The following CUX2 variants were observed in gnomAD, a reference collection of about 807,000 sequenced individuals.
The protein encoded by CUX2 is cut like homeobox 2, also known as homeobox protein cut-like 2.
Under a neutral mutation model 144.8 loss-of-function variants are expected in CUX2, and 40 were observed. That is an observed-to-expected ratio of 0.28 (90% CI 0.21 to 0.36). CUX2 has a LOEUF of 0.36. Among genes scored for constraint, CUX2 ranks in the 10% least tolerant of loss-of-function variants. The pLI is 1.00. For missense variants in CUX2, 1,615 were observed against 1,994.0 expected (o/e 0.81, Z 3.62); for synonymous variants, 827 against 875.6 (o/e 0.94, Z 0.98).
chr12:111,093,328 C>A (rs935267511), intron 1 of CUX2, among the ~76,000 whole-genome samples: 1 of 152,174 alleles, frequency 6.6e-6, no homozygotes, highest in Non-Finnish European at 1.5e-5. Flanking sequence ...AACTCTGGCT[C>A]GCCCAGGAGG....
chr12:111,147,907 C>G (rs973621101), intron 1 of CUX2, among the ~76,000 whole-genome samples: 9 of 152,244 alleles, frequency 5.9e-5, no homozygotes. Context: ...GTTTCCCACC[C>G]AGGCGCCCAG....
chr12:111,091,562 T>A (rs955061803), intron 1 of CUX2, among the ~76,000 whole-genome samples: 5 of 152,218 alleles, frequency 3.3e-5, no homozygotes, highest in Non-Finnish European at 7.3e-5. Flanking sequence ...AAAGCCCAGA[T>A]AATTGTCACC....
rs183117379 is a variant in CUX2, at chr12:111,077,701, A to T, written c.63+43461A>T. Among the ~76,000 whole-genome samples the T allele has an allele frequency of 8.7e-4, 133 of 152,238 alleles. No homozygotes were observed. The highest frequency in any genetic ancestry group is 1.6e-3 in the Non-Finnish European group (112 of 68,018). On this transcript the variant is annotated intron_variant, in intron 1 of 21. Coordinates refer to ENST00000261726, the MANE Select transcript of CUX2 (RefSeq NM_015267.4). The surrounding 1 kb of genome is among the most constrained non-coding windows in gnomAD (Gnocchi z 4.1). ...CAGGATGGAGGCCAGCTTTATTTAC[A>T]AGAGTGTTTGTTTTTTGGGGGCCAT...
At chr12:111,250,182 G>A (rs977582089) in intron 3 of CUX2, among the ~76,000 whole-genome samples, 6 of 152,198 alleles carry the variant, frequency 3.9e-5, no homozygotes, top group Non-Finnish European at 7.4e-5. Flanking sequence ...TCAGGTGACA[G>A]AAGGGACATT....
chr12:111,072,037 G>A (rs558317195), intron 1 of CUX2, among the ~76,000 whole-genome samples: 115 of 152,300 alleles, frequency 7.6e-4, no homozygotes, highest in African/African-American at 2.7e-3. Context: ...AAGTCTTGAA[G>A]TTCAGTAGTG....
intron 1 of CUX2, among the ~76,000 whole-genome samples, chr12:111,210,392 C>T (rs1206027413): frequency 6.6e-6 from 1 of 152,076 alleles, no homozygotes; most frequent in Non-Finnish European, 1.5e-5. Flanking sequence ...ACCGGTCTTC[C>T]TTTCATTTTA....
At chr12:111,192,132 T>G (rs1879926031) in intron 1 of CUX2, among the ~76,000 whole-genome samples, 1 of 152,014 alleles carries the variant, frequency 6.6e-6, no homozygotes, top group Non-Finnish European at 1.5e-5. Context: ...GTTTATTTAT[T>G]TATTTATTTT....
At chr12:111,099,590 C>G (rs750809349) in intron 1 of CUX2, 6 of 456,716 alleles carry the variant, frequency 1.3e-5, no homozygotes, top group South Asian at 9.3e-5. Flanking sequence ...TCATGTGTAG[C>G]CCTCACATGG....
intron 21 of CUX2, among the ~76,000 whole-genome samples, chr12:111,343,783 G>A (rs566553915): frequency 5.3e-5 from 8 of 152,144 alleles, no homozygotes; most frequent in Non-Finnish European, 7.3e-5. Context: ...GGTTTTGACC[G>A]GGCGCAGTGG....
chr12:111,042,218 C>A (rs946925435), intron 1 of CUX2, among the ~76,000 whole-genome samples: 3 of 152,164 alleles, frequency 2.0e-5, no homozygotes, highest in African/African-American at 7.2e-5. Context: ...TCCCGGGGAA[C>A]CATTATGGTC....
At position 111,263,697 on chromosome 12, in the gene CUX2, G is replaced by A. The variant is rs1884245483; in HGVS notation, c.223-64G>A. 2 of 1,246,888 alleles carry A rather than the reference G, an allele frequency of 1.6e-6. No homozygotes were observed. The highest frequency in any genetic ancestry group is 2.1e-5 in the Admixed American group (1 of 48,448). 77.2% of individuals were successfully genotyped at this position (1,246,888 alleles called of 1,614,324 possible). A position where few individuals can be genotyped will look rare whatever the true frequency, so the allele number is the denominator to read the frequency against. ...TTTTCTTGTGGAAAAAAAAAATGAT[G>A]AAATTTGCTTGCAGACACAGATGCC... is the stretch of plus-strand genomic sequence containing the variant. On this transcript the variant is annotated intron_variant, in intron 3 of 21. Coordinates refer to ENST00000261726, the MANE Select transcript of CUX2 (RefSeq NM_015267.4). This position sits in a 1 kb window ranked among gnomAD's most constrained non-coding sequence, Gnocchi z 4.0.
chr12:111,115,347 G>A lies in CUX2; in HGVS notation c.63+81107G>A, dbSNP rs183450656. Among the ~76,000 whole-genome samples the A allele has an allele frequency of 1.8e-3, 252 of 143,048 alleles. 1 individual carries two copies. Among genetic ancestry groups the A allele is most frequent in the African/African-American group, 5.9e-3 (220 of 37,466 alleles). 93.8% of individuals were successfully genotyped at this position (143,048 alleles called of 152,430 possible). A position where few individuals can be genotyped will look rare whatever the true frequency, so the allele number is the denominator to read the frequency against. On this transcript the variant is annotated intron_variant, in intron 1 of 21. Coordinates refer to ENST00000261726, the MANE Select transcript of CUX2 (RefSeq NM_015267.4). The stretch of plus-strand genomic sequence containing the variant: ...GTCGCCCAGGCTAGAGTGCAGTGGC[G>A]TGATCTTGGCTCACTGCAAGCTCCA...
intron 1 of CUX2, among the ~76,000 whole-genome samples, chr12:111,112,262 A>C (rs144049964): frequency 7.9e-5 from 12 of 152,304 alleles, no homozygotes; most frequent in Non-Finnish European, 1.8e-4. Context: ...CTGTTTGGTA[A>C]TAAAGATTGC....
chr12:111,048,781 A>C (rs1167544127), intron 1 of CUX2, among the ~76,000 whole-genome samples: 1 of 152,148 alleles, frequency 6.6e-6, no homozygotes, highest in Non-Finnish European at 1.5e-5. Flanking sequence ...TGACTTTCAT[A>C]TATGGGGATG....
At chr12:111,181,602 C>G (rs1044139418) in intron 1 of CUX2, among the ~76,000 whole-genome samples, 6 of 152,180 alleles carry the variant, frequency 3.9e-5, no homozygotes, top group Non-Finnish European at 7.3e-5. Context: ...CAGCACTGCC[C>G]GAGCCGGCGA....
rs1343907090 is a variant in CUX2 at position 111,296,516 on chromosome 12, G to T, written c.681G>T (p.Lys227Asn). ...CAGAGCTGCTAGAGCTGCGGCGGAA[G>T]TACGACGAGGAGGCAGCATCCAAGT... ...TQAELLELRRKYDEEAASKAD... is the reference protein window; with the variant it reads ...TQAELLELRRNYDEEAASKAD... Residue 227 changes from lysine (K) to asparagine (N), a missense_variant, in exon 8 of 22, where the codon AAG becomes AAT. Around this residue, in one of 12 missense-constraint regions of CUX2, gnomAD observed 295 missense variants for 400.2 expected, o/e 0.74. Coordinates refer to ENST00000261726, the MANE Select transcript of CUX2 (RefSeq NM_015267.4). 6.2e-7 allele frequency: 1 copy of T among 1,611,680 alleles called. No individual in the cohort carries two copies. Among genetic ancestry groups the T allele is most frequent in the Non-Finnish European group, 8.5e-7 (1 of 1,178,866 alleles).
At chr12:111,194,879 T>C (rs1880143192) in intron 1 of CUX2, among the ~76,000 whole-genome samples, 1 of 152,158 alleles carries the variant, frequency 6.6e-6, no homozygotes, top group Admixed American at 6.5e-5. Context: ...CCAGCCTTGG[T>C]TGTGTCTATC....
intron 1 of CUX2, among the ~76,000 whole-genome samples, chr12:111,116,717 G>A (rs1462401483): frequency 6.6e-6 from 1 of 152,120 alleles, no homozygotes; most frequent in Non-Finnish European, 1.5e-5. Flanking sequence ...ATCTGGAGCT[G>A]GTTAATATAA....
chr12:111,119,551 G>GC (rs543132127), intron 1 of CUX2, among the ~76,000 whole-genome samples: 3 of 151,924 alleles, frequency 2.0e-5, no homozygotes, highest in Non-Finnish European at 4.4e-5. Context: ...TGTCCCTCTG[G>GC]CCCCCCAGAT....
Sources: gnomAD v4.1 joint callset for allele counts (sites outside exome capture counted in the v4.1 genomes callset) on GRCh38, gnomAD v4.1.1 for gene constraint, gnomAD v4.1.1 regional missense constraint, Gnocchi (gnomAD v3.1) non-coding constraint, MANE v1.5 for transcripts, NCBI Gene and HGNC (gene_info 2026-07-23, HGNC 2026-07-21) for gene names.